UBE3C: variants seen among roughly 807,000 people sequenced by gnomAD.
The protein encoded by UBE3C is ubiquitin-protein ligase E3C.
Under a neutral mutation model 129.4 loss-of-function variants are expected in UBE3C, and 42 were observed. The ratio of observed to expected loss-of-function variants is 0.32; its 90% CI spans 0.25 to 0.42. UBE3C has a LOEUF of 0.42. Among genes scored for constraint, UBE3C ranks in the 10% least tolerant of loss-of-function variants. UBE3C has a pLI of 1.00. For synonymous variants in UBE3C, 510 were observed against 492.4 expected, an observed-to-expected ratio of 1.04 and a Z score of -0.47; for missense variants, 1,049 against 1,319.1, an observed-to-expected ratio of 0.80 and a Z score of 3.17.
intron 13 of UBE3C, among the ~76,000 whole-genome samples, chr7:157,211,196 C>T (rs1439868326): frequency 1.3e-5 from 1 of 74,478 alleles, no homozygotes. Context: ...GAGAGAGAGC[C>T]ATACTATGAG....
intron 1 of UBE3C, among the ~76,000 whole-genome samples, chr7:157,156,882 G>A (rs1439217679): frequency 6.6e-6 from 1 of 151,898 alleles, no homozygotes; most frequent in Non-Finnish European, 1.5e-5. Context: ...ATAATTTTCA[G>A]CAGCCAAAAA....
At chr7:157,241,426 G>A (rs1796321056) in intron 18 of UBE3C, among the ~76,000 whole-genome samples, 1 of 152,194 alleles carries the variant, frequency 6.6e-6, no homozygotes. Flanking sequence ...ATCTCTCCAG[G>A]GACTGGCAGC....
chr7:157,223,452 C>A, intron 16 of UBE3C, 101 bp downstream of exon 16: 2 of 985,956 alleles, frequency 2.0e-6, no homozygotes, highest in Non-Finnish European at 1.5e-6. Context: ...TAGTGCCTGG[C>A]TGATTACATA....
At chr7:157,261,236 G>C (rs1275567345) in intron 22 of UBE3C, among the ~76,000 whole-genome samples, 2 of 140,488 alleles carry the variant, frequency 1.4e-5, no homozygotes, top group Non-Finnish European at 3.0e-5. Flanking sequence ...AACCCGGAAG[G>C]TGGAGGTTGC....
chr7:157,144,227 T>C (rs747296561), intron 1 of UBE3C, among the ~76,000 whole-genome samples: 1 of 151,978 alleles, frequency 6.6e-6, no homozygotes, highest in Non-Finnish European at 1.5e-5. Flanking sequence ...TCCCGGGAGT[T>C]CAAGGCTGCA....
chr7:157,252,968 G>A (rs1202492145), intron 19 of UBE3C, among the ~76,000 whole-genome samples: 2 of 152,124 alleles, frequency 1.3e-5, no homozygotes, highest in African/African-American at 4.8e-5. Context: ...CTGGGCTTAA[G>A]GGATCCTCTT....
chr7:157,207,722 A>G lies in UBE3C; in HGVS notation c.1596A>G (p.Ser532=). 1.2e-6 allele frequency: 2 copies of G among 1,613,362 alleles called. No individual in the cohort carries two copies. Among genetic ancestry groups the G allele is most frequent in the Non-Finnish European group, 1.7e-6 (2 of 1,179,868 alleles). Residue 532 remains serine, a synonymous_variant, in exon 13 of 23, where the codon TCA becomes TCG. Transcript: ENST00000348165. The part of the protein sequence containing the change: ...DPIEVVGQRQ[S]SMMPFTLEEL... ...TTTTAGTTGTAGGTCAAAGACAATC[A>G]TCAATGATGCCTTTTACTTTAGAAG...
intron 18 of UBE3C, among the ~76,000 whole-genome samples, chr7:157,247,773 C>T (rs375977603): frequency 6.6e-6 from 1 of 152,176 alleles, no homozygotes; most frequent in Non-Finnish European, 1.5e-5. Context: ...GCCACCCTCA[C>T]TCATTGACAC....
chr7:157,260,262 C>T (rs1046352973), intron 22 of UBE3C, among the ~76,000 whole-genome samples: 4 of 151,972 alleles, frequency 2.6e-5, no homozygotes, highest in African/African-American at 4.8e-5. Context: ...ACAGTGAGTG[C>T]GGAGAAACTG....
chr7:157,197,052 C>A (rs373128578), intron 10 of UBE3C, among the ~76,000 whole-genome samples: 1 of 152,146 alleles, frequency 6.6e-6, no homozygotes, highest in African/African-American at 2.4e-5. Context: ...GCAAAACTGT[C>A]GTTTCTGATA....
chr7:157,199,285 T>C (rs977531214), intron 10 of UBE3C, among the ~76,000 whole-genome samples: 3 of 152,206 alleles, frequency 2.0e-5, no homozygotes, highest in African/African-American at 7.2e-5. Flanking sequence ...TTTTTCCGTA[T>C]GACTGTTGCG....
chr7:157,162,362 T>G (rs1173149955), intron 1 of UBE3C, among the ~76,000 whole-genome samples: 2 of 151,720 alleles, frequency 1.3e-5, no homozygotes, highest in Non-Finnish European at 2.9e-5. Flanking sequence ...GCCCGGCTAA[T>G]TTTTGTATTT....
chr7:157,152,357 G>C (rs189272562), intron 1 of UBE3C, among the ~76,000 whole-genome samples: 14 of 152,298 alleles, frequency 9.2e-5, no homozygotes, highest in Admixed American at 2.6e-4. Flanking sequence ...AGGTTTTAGA[G>C]ATGCGTGGGG....
chr7:157,194,380 G>A (rs1809058512), intron 10 of UBE3C, among the ~76,000 whole-genome samples: 1 of 152,178 alleles, frequency 6.6e-6, no homozygotes, highest in Non-Finnish European at 1.5e-5. Flanking sequence ...TTTGAAATAA[G>A]CAGTGATCCT....
chr7:157,224,483 C>G (rs984256772), intron 16 of UBE3C, among the ~76,000 whole-genome samples: 20 of 152,098 alleles, frequency 1.3e-4, no homozygotes, highest in African/African-American at 4.8e-4. Context: ...CATGAGCCAC[C>G]GCGCCCAGCC....
chr7:157,148,038 T>C (rs1490479995), intron 1 of UBE3C, among the ~76,000 whole-genome samples: 1 of 152,196 alleles, frequency 6.6e-6, no homozygotes, highest in Non-Finnish European at 1.5e-5. Context: ...AGGGTGATAC[T>C]GGCCTTATGG....
chr7:157,240,771 T>C (rs1198658580), intron 18 of UBE3C, among the ~76,000 whole-genome samples: 3 of 151,952 alleles, frequency 2.0e-5, no homozygotes, highest in Non-Finnish European at 2.9e-5. Flanking sequence ...AGTGTAGCGG[T>C]GGTTAGAGCT....
chr7:157,139,547 G>A (rs1586635547), intron 1 of UBE3C, among the ~76,000 whole-genome samples: 1 of 152,144 alleles, frequency 6.6e-6, no homozygotes, highest in Non-Finnish European at 1.5e-5. Context: ...CCGAGACTTG[G>A]GGCCAGGACT....
At chr7:157,163,908 C>G in intron 2 of UBE3C, 45 bp downstream of exon 2, 1 of 1,583,520 alleles carries the variant, frequency 6.3e-7, no homozygotes, top group Non-Finnish European at 8.6e-7. Context: ...ATTTTTTCTA[C>G]AGCATTTAAA....
Sources: gnomAD v4.1 joint callset for allele counts (sites outside exome capture counted in the v4.1 genomes callset) on GRCh38, gnomAD v4.1.1 for gene constraint, MANE v1.5 for transcripts, NCBI Gene and HGNC (gene_info 2026-07-23, HGNC 2026-07-21) for gene names.